The following MGAT4A variants were observed in gnomAD, a reference collection of about 807,000 sequenced individuals.
MGAT4A encodes N-acetylglucosaminyltransferase IVa.
In MGAT4A, 33 loss-of-function variants were observed where a neutral mutation model predicts 74.1. The observed-to-expected ratio is 0.45, with a 90% CI of 0.34 to 0.60. The LOEUF (loss-of-function observed/expected upper bound fraction) is 0.60. Ranked by LOEUF, MGAT4A falls within the 20% of genes least tolerant of loss-of-function variation. The probability of loss-of-function intolerance (pLI) is 0.02; values close to 1 mark genes in which losing one functional copy is unlikely to be tolerated. For missense variants in MGAT4A, 479 were observed against 628.3 expected (o/e 0.76, Z 2.54); for synonymous variants, 198 against 210.4 (o/e 0.94, Z 0.51).
Position 98,622,580 on chromosome 2 carries a change from T to G in MGAT4A, c.*2986A>C. On this transcript the variant is annotated 3_prime_UTR_variant, in exon 16 of 16. Coordinates refer to ENST00000393487, the MANE Select transcript of MGAT4A (RefSeq NM_012214.3). ...CCTTAATCTTCTGCCCTCACACTGC[T>G]CTTAAGGGCGACCACTACAATTTCC... 1 of 985,442 alleles carries G rather than the reference T, an allele frequency of 1.0e-6. No individual in the cohort carries two copies. Among genetic ancestry groups the G allele is most frequent in the Non-Finnish European group, 1.2e-6 (1 of 829,976 alleles). The allele number at this position is 985,442 out of a possible 1,614,324, so 61.0% of individuals were successfully genotyped here.
intron 8 of MGAT4A, among the ~76,000 whole-genome samples, chr2:98,648,126 A>G (rs957674921): frequency 4.6e-5 from 7 of 152,242 alleles, no homozygotes; most frequent in African/African-American, 1.7e-4. Flanking sequence ...AATTCCACAT[A>G]ATAAGCGTAT....
At chr2:98,642,498 T>A (rs376410670) in intron 10 of MGAT4A, among the ~76,000 whole-genome samples, 3 of 152,226 alleles carry the variant, frequency 2.0e-5, no homozygotes, top group African/African-American at 7.2e-5. Context: ...CAAAAGTTCA[T>A]GTACCCAAAT....
chr2:98,625,981 T>C (rs1339431072), intron 14 of MGAT4A, 146 bp from the exon 15 acceptor site: 1 of 483,818 alleles, frequency 2.1e-6, no homozygotes, highest in Non-Finnish European at 3.6e-6. Flanking sequence ...CCCCCTTCTT[T>C]CTACTTTCAT....
In MGAT4A at chr2:98,621,412, T is replaced by G. The variant is rs898741493; in HGVS notation, c.*4154A>C. On this transcript the variant is annotated 3_prime_UTR_variant, in exon 16 of 16. Transcript: ENST00000393487. ...TCCTCAAAGCCATGTGCATTCCTTC[T>G]CATGCAGCCCCCTCTACCTTAAAAC... is the stretch of plus-strand genomic sequence containing the variant. 7 of 1,551,156 alleles carry G rather than the reference T, an allele frequency of 4.5e-6. No individual in the cohort carries two copies. Among genetic ancestry groups the G allele is most frequent in the Non-Finnish European group, 4.4e-6 (5 of 1,146,792 alleles).
chr2:98,687,522 T>C (rs1702145662), intron 2 of MGAT4A, among the ~76,000 whole-genome samples: 1 of 152,166 alleles, frequency 6.6e-6, no homozygotes, highest in African/African-American at 2.4e-5. Flanking sequence ...CTCTTCTCAC[T>C]TTCCTTTTGC....
chr2:98,678,249 A>AAAAAAAT (rs67023324), intron 3 of MGAT4A, 55 bp downstream of exon 3: 6 of 263,880 alleles, frequency 2.3e-5, no homozygotes, highest in Admixed American at 8.3e-5. Flanking sequence ...AAAAAAAAAA[A>AAAAAAAT]ATATATATAT....
chr2:98,716,914 C>T (rs1165652861), intron 2 of MGAT4A, among the ~76,000 whole-genome samples: 3 of 152,014 alleles, frequency 2.0e-5, no homozygotes, highest in African/African-American at 4.8e-5. Context: ...CAAAAAAAAC[C>T]AGTTTGTATA....
chr2:98,662,620 G>A (rs1015881550), intron 5 of MGAT4A, among the ~76,000 whole-genome samples: 8 of 152,162 alleles, frequency 5.3e-5, no homozygotes, highest in African/African-American at 1.9e-4. Flanking sequence ...CTTTTGAGGA[G>A]ACTAAAATAC....
intron 3 of MGAT4A, among the ~76,000 whole-genome samples, chr2:98,675,837 A>G (rs1212822287): frequency 6.6e-6 from 1 of 152,236 alleles, no homozygotes; most frequent in African/African-American, 2.4e-5. Context: ...TACAGGCATG[A>G]GCTATCATGC....
intron 2 of MGAT4A, among the ~76,000 whole-genome samples, chr2:98,706,012 C>T (rs1392048718): frequency 6.6e-6 from 1 of 150,748 alleles, no homozygotes; most frequent in Admixed American, 6.6e-5. Context: ...TTGAACACAG[C>T]TCAGTGTGCC....
intron 5 of MGAT4A, among the ~76,000 whole-genome samples, chr2:98,659,171 C>T (rs928358103): frequency 1.3e-5 from 2 of 152,166 alleles, no homozygotes; most frequent in East Asian, 1.9e-4. Context: ...AGATAAACAT[C>T]ATTAGCTTTT....
intron 5 of MGAT4A, among the ~76,000 whole-genome samples, chr2:98,660,914 A>G (rs1701739549): frequency 6.6e-6 from 1 of 152,246 alleles, no homozygotes; most frequent in South Asian, 2.1e-4. Flanking sequence ...AAAATAGACA[A>G]ATAGGATCAC....
intron 6 of MGAT4A, among the ~76,000 whole-genome samples, chr2:98,657,981 A>T (rs116351787): frequency 0.034 from 5,108 of 152,306 alleles, 128 homozygotes; most frequent in Non-Finnish European, 0.052. Flanking sequence ...TAATAGTGTT[A>T]CATACATAGG....
In MGAT4A at chr2:98,675,109, T is replaced by C; in HGVS notation, c.329A>G (p.Tyr110Cys). The change falls in exon 4 of 16, where the codon TAT becomes TGT. Residue 110 changes from tyrosine (Y) to cysteine (C), a missense_variant. Physicochemically the swap from Tyr to Cys is radical, Grantham distance 194 (BLOSUM62 -2). Around this residue, in one of 3 missense-constraint regions of MGAT4A, gnomAD observed 205 missense variants for 232.7 expected, o/e 0.88. Coordinates refer to ENST00000393487, the MANE Select transcript of MGAT4A (RefSeq NM_012214.3). The stretch of plus-strand genomic sequence containing the variant: ...ATTTTTCAATAAATGAGGCAAATGA[T>C]AATAAATACTTGGCACTTGAAGAGA... Reference protein sequence around the residue: ...KKSLQVPSIYYHLPHLLKNEG... With the variant: ...KKSLQVPSIYCHLPHLLKNEG... 1.2e-6 allele frequency: 2 copies of C among 1,613,068 alleles called. No individual in the cohort carries two copies. Among genetic ancestry groups the C allele is most frequent in the Non-Finnish European group, 8.5e-7 (1 of 1,179,476 alleles).
intron 2 of MGAT4A, among the ~76,000 whole-genome samples, chr2:98,710,587 G>A (rs1702501847): frequency 6.6e-6 from 1 of 152,062 alleles, no homozygotes; most frequent in Non-Finnish European, 1.5e-5. Flanking sequence ...AGCCTCCTGA[G>A]TAGGTGGAAC....
intron 2 of MGAT4A, among the ~76,000 whole-genome samples, chr2:98,723,203 T>C (rs1353249178): frequency 6.6e-6 from 1 of 152,172 alleles, no homozygotes; most frequent in Non-Finnish European, 1.5e-5. Flanking sequence ...TTCTAGGAAC[T>C]GTACTTGTAA....
At chr2:98,677,801 A>ATTTTTTT (rs70940122) in intron 3 of MGAT4A, among the ~76,000 whole-genome samples, 3 of 121,354 alleles carry the variant, frequency 2.5e-5, no homozygotes, top group South Asian at 2.6e-4. Context: ...CAGGTAATAA[A>ATTTTTTT]TTTTTTTTTT....
intron 2 of MGAT4A, among the ~76,000 whole-genome samples, chr2:98,713,508 T>G (rs1372843124): frequency 6.7e-6 from 1 of 150,078 alleles, no homozygotes; most frequent in African/African-American, 2.4e-5. Context: ...ACATCTGTAA[T>G]CCCAGCACTC....
At chr2:98,730,137 A>G (rs1702825158) in intron 1 of MGAT4A, 1 of 152,246 alleles carries the variant, frequency 6.6e-6, no homozygotes, top group Non-Finnish European at 1.5e-5. Flanking sequence ...TTTATCAAAT[A>G]ATCTGTCCAA....
Sources: gnomAD v4.1 joint callset for allele counts (sites outside exome capture counted in the v4.1 genomes callset) on GRCh38, gnomAD v4.1.1 for gene constraint, gnomAD v4.1.1 regional missense constraint, MANE v1.5 for transcripts, NCBI Gene and HGNC (gene_info 2026-07-23, HGNC 2026-07-21) for gene names.